SLC6A2: variants seen among roughly 807,000 people sequenced by gnomAD.
The protein encoded by SLC6A2 is solute carrier family 6 member 2, also known as sodium-dependent noradrenaline transporter.
In SLC6A2, 26 loss-of-function variants were observed where a neutral mutation model predicts 71.7. That is an observed-to-expected ratio of 0.36 (90% CI 0.27 to 0.50). SLC6A2 has a LOEUF of 0.50. Among genes scored for constraint, SLC6A2 ranks in the 20% least tolerant of loss-of-function variants. SLC6A2 has a pLI of 0.96. For missense variants in SLC6A2, 581 were observed against 803.9 expected (o/e 0.72, Z 3.35); for synonymous variants, 363 against 337.9 (o/e 1.07, Z -0.82).
chr16:55,702,187 T>G lies in SLC6A2; in HGVS notation c.1831-136T>G, dbSNP rs11568330. The G allele has an allele frequency of 6.1e-5, 57 of 935,436 alleles. No individual in the cohort carries two copies. In the African/African-American group the frequency reaches 8.7e-4, roughly 14 times the overall value. The allele number at this position is 935,436 out of a possible 1,614,324, so 57.9% of individuals were successfully genotyped here. A position where few individuals can be genotyped will look rare whatever the true frequency, so the allele number is the denominator to read the frequency against. ...CCTCTGTGACAATTAGGGAATCAAC[T>G]TGCACGTTCCCTGAGGTCCGTGAAG... is the stretch of plus-strand genomic sequence containing the variant. On this transcript the variant is annotated intron_variant, in intron 14 of 14. Coordinates refer to ENST00000568943, the MANE Select transcript of SLC6A2 (RefSeq NM_001172501.3).
intron 5 of SLC6A2, among the ~76,000 whole-genome samples, chr16:55,691,556 A>T (rs534136687): frequency 6.6e-6 from 1 of 152,264 alleles, no homozygotes; most frequent in East Asian, 1.9e-4. Flanking sequence ...TCTTCATTTT[A>T]TGGAGTCAGG....
intron 4 of SLC6A2, among the ~76,000 whole-genome samples, chr16:55,684,145 C>G (rs1467734420): frequency 2.0e-5 from 3 of 151,886 alleles, no homozygotes; most frequent in Non-Finnish European, 4.4e-5. Context: ...CAAAAGAATA[C>G]AAAAATTAGC....
At chr16:55,695,045 C>G (rs115948760) in intron 7 of SLC6A2, among the ~76,000 whole-genome samples, 1 of 152,174 alleles carries the variant, frequency 6.6e-6, no homozygotes, top group Non-Finnish European at 1.5e-5. Context: ...GCTGGTGACT[C>G]AATTCCCTGG....
chr16:55,684,519 A>C lies in SLC6A2; in HGVS notation c.645-624A>C, dbSNP rs139178281. Reference sequence around the variant, plus strand: ...ACAGGATAAGCCTATCTTCAGCTTTAGTAGCTATTCCCCAATAGGAGAAAT... The same window carrying C: ...ACAGGATAAGCCTATCTTCAGCTTTCGTAGCTATTCCCCAATAGGAGAAAT... On this transcript the variant is annotated intron_variant, in intron 4 of 14. Coordinates refer to ENST00000568943, the MANE Select transcript of SLC6A2 (RefSeq NM_001172501.3). Among the ~76,000 whole-genome samples, 476 of 152,322 alleles carry C rather than the reference A, an allele frequency of 3.1e-3. 4 individuals are homozygous for C. The Middle Eastern group carries it at 0.037, about 12-fold the overall frequency.
chr16:55,685,031 G>C, intron 4 of SLC6A2, 112 bp from the exon 5 acceptor site: 1 of 1,057,930 alleles, frequency 9.5e-7, no homozygotes, highest in Non-Finnish European at 1.4e-6. Flanking sequence ...GGGGAGAGTG[G>C]CCAGGTCCTG....
chr16:55,700,380 G>T (rs1353259794), intron 13 of SLC6A2, 74 bp downstream of exon 13: 4 of 1,335,366 alleles, frequency 3.0e-6, no homozygotes, highest in Admixed American at 2.0e-5. Flanking sequence ...TCTCATTCCT[G>T]TTGGGGTGGG....
chr16:55,663,644 T>C (rs1432259242), intron 2 of SLC6A2, among the ~76,000 whole-genome samples: 1 of 152,180 alleles, frequency 6.6e-6, no homozygotes, highest in Non-Finnish European at 1.5e-5. Flanking sequence ...AACCTATCTG[T>C]CTATCTATCT....
chr16:55,684,697 C>T (rs1180362235), intron 4 of SLC6A2, among the ~76,000 whole-genome samples: 1 of 152,222 alleles, frequency 6.6e-6, no homozygotes, highest in Non-Finnish European at 1.5e-5. Context: ...CACCACCTCT[C>T]CTCAAGTCAT....
At chr16:55,670,880 C>G (rs1434620087) in intron 3 of SLC6A2, among the ~76,000 whole-genome samples, 1 of 152,188 alleles carries the variant, frequency 6.6e-6, no homozygotes, top group Non-Finnish European at 1.5e-5. Context: ...GCCTCGCCAA[C>G]ACCTCACAGG....
intron 2 of SLC6A2, among the ~76,000 whole-genome samples, chr16:55,659,077 G>C (rs9934035): frequency 0.011 from 1,750 of 152,212 alleles, 38 homozygotes; most frequent in African/African-American, 0.039. Flanking sequence ...ACAGTGGAAG[G>C]CTCTGTCATT....
In SLC6A2 at chr16:55,703,197, T is replaced by G. The variant is rs41280884; in HGVS notation, c.*851T>G. The G allele has an allele frequency of 2.0e-6, 2 of 985,282 alleles. No individual in the cohort carries two copies. Among genetic ancestry groups the G allele is most frequent in the African/African-American group, 1.7e-5 (1 of 57,170 alleles). The allele number at this position is 985,282 out of a possible 1,614,324, so 61.0% of individuals were successfully genotyped here. A position where few individuals can be genotyped will look rare whatever the true frequency, so the allele number is the denominator to read the frequency against. ...GTAAGACACGGAGCCCAGAAACCCA[T>G]CTGCACTTCCTGAGACCTGCCTGGG... On this transcript the variant is annotated 3_prime_UTR_variant, in exon 15 of 15. Coordinates refer to ENST00000568943, the MANE Select transcript of SLC6A2 (RefSeq NM_001172501.3).
chr16:55,701,409 C>G (rs16955695), intron 13 of SLC6A2, among the ~76,000 whole-genome samples: 2,353 of 152,268 alleles, frequency 0.015, 66 homozygotes, highest in African/African-American at 0.054. Flanking sequence ...ATTGTTGGTT[C>G]AGAACACATG....
chr16:55,705,307 G>A lies in SLC6A2; in HGVS notation c.*2961G>A. On this transcript the variant is annotated 3_prime_UTR_variant, in exon 15 of 15. Coordinates refer to ENST00000568943, the MANE Select transcript of SLC6A2 (RefSeq NM_001172501.3). ...CCTGAAGCTGCCTTAATTCTCAAAAGGAGTTACCGCTCAGCTGGGAGCCAG... is the reference window on the plus strand; with the variant it reads ...CCTGAAGCTGCCTTAATTCTCAAAAAGAGTTACCGCTCAGCTGGGAGCCAG... 6.7e-7 allele frequency: 1 copy of A among 1,484,938 alleles called. No homozygotes were observed. Among genetic ancestry groups the A allele is most frequent in the Non-Finnish European group, 9.1e-7 (1 of 1,101,552 alleles). The allele number at this position is 1,484,938 out of a possible 1,614,324, so 92.0% of individuals were successfully genotyped here. A position where few individuals can be genotyped will look rare whatever the true frequency, so the allele number is the denominator to read the frequency against.
intron 4 of SLC6A2, among the ~76,000 whole-genome samples, chr16:55,675,232 C>T (rs1457493188): frequency 3.9e-5 from 6 of 152,160 alleles, no homozygotes; most frequent in South Asian, 2.1e-4. Context: ...ATCCCTCAGG[C>T]GTGGGTCAAT....
In SLC6A2 at chr16:55,656,841, C is replaced by T. The variant is rs751589664; in HGVS notation, c.147C>T (p.Arg49=). 6.2e-6 allele frequency: 10 copies of T among 1,613,596 alleles called. No homozygotes were observed. The highest frequency in any genetic ancestry group is 3.3e-5 in the Admixed American group (2 of 60,006). Residue 49 remains arginine, a synonymous_variant, in exon 2 of 15, where the codon CGC becomes CGT. Transcript: ENST00000568943. The surrounding 1 kb of genome is among the most constrained non-coding windows in gnomAD (Gnocchi z 4.5). ...RNGVQCLLAP[R]DGDAQPRETW... is the part of the protein sequence containing the mutation. ...GCGTCCAGTGCCTGCTGGCGCCCCG[C>T]GACGGCGACGCGCAGCCCCGGGAGA...
Position 55,702,459 on chromosome 16 carries a change from C to G in SLC6A2, c.*113C>G. 1 of 1,594,482 alleles carries G rather than the reference C, an allele frequency of 6.3e-7. No individual in the cohort carries two copies. The highest frequency in any genetic ancestry group is 8.5e-7 in the Non-Finnish European group (1 of 1,169,912). On this transcript the variant is annotated 3_prime_UTR_variant, in exon 15 of 15. Transcript: ENST00000568943. ...ATTCCTCCCCTGGAAGTTGTCCTTT[C>G]TGATCCTCTCTTCTTTTCCCATTTA... is the stretch of plus-strand genomic sequence containing the variant.
rs1439622104 is a variant in SLC6A2 at position 55,656,316 on chromosome 16, A to G, written c.-52+147A>G. 1 of 365,460 alleles carries G rather than the reference A, an allele frequency of 2.7e-6. No homozygotes were observed. The highest frequency in any genetic ancestry group is 7.1e-5 in the East Asian group (1 of 14,162). The allele number at this position is 365,460 out of a possible 1,614,324, so 22.6% of individuals were successfully genotyped here. ...TGGCTGTTGAAGTGTCGCGGACCTGAGCTGGGGAGGGGGTCGGCACGCTGC... is the reference window on the plus strand; with the variant it reads ...TGGCTGTTGAAGTGTCGCGGACCTGGGCTGGGGAGGGGGTCGGCACGCTGC... On this transcript the variant is annotated intron_variant, in intron 1 of 14. Coordinates refer to ENST00000568943, the MANE Select transcript of SLC6A2 (RefSeq NM_001172501.3). The surrounding 1 kb of genome is among the most constrained non-coding windows in gnomAD (Gnocchi z 4.5).
intron 2 of SLC6A2, among the ~76,000 whole-genome samples, chr16:55,658,719 A>T (rs1964528138): frequency 6.6e-6 from 1 of 152,156 alleles, no homozygotes; most frequent in Admixed American, 6.5e-5. Context: ...GATAGCTGGA[A>T]CAGCAGTCCT....
chr16:55,664,289 G>A (rs1454447677), intron 2 of SLC6A2, among the ~76,000 whole-genome samples: 1 of 152,144 alleles, frequency 6.6e-6, no homozygotes, highest in Non-Finnish European at 1.5e-5. Flanking sequence ...CATCCTTCAT[G>A]CAGCACTACA....
Sources: allele counts gnomAD v4.1 joint callset (sites outside exome capture counted in the v4.1 genomes callset), GRCh38; gene constraint gnomAD v4.1.1; non-coding constraint Gnocchi (gnomAD v3.1); transcripts MANE v1.5; gene names NCBI Gene and HGNC (gene_info 2026-07-23, HGNC 2026-07-21).